Variants in ARHGAP15 observed in about 807,000 individuals in gnomAD.
ARHGAP15 encodes Rho GTPase activating protein 15, also known as rho GTPase-activating protein 15.
ARHGAP15 carries 51 observed loss-of-function variants against 63.7 expected under a neutral mutation model. The observed-to-expected ratio is 0.80, with a 90% CI of 0.64 to 1.01. The LOEUF (loss-of-function observed/expected upper bound fraction) is 1.01, where lower values mean the gene tolerates loss of function less well. ARHGAP15 is among the 50% of genes least tolerant of loss of function. The pLI is 0.00. For synonymous variants in ARHGAP15, 191 were observed against 193.8 expected, an observed-to-expected ratio of 0.99 and a Z score of 0.12; for missense variants, 560 against 564.6, an observed-to-expected ratio of 0.99 and a Z score of 0.08.
chr2:143,209,833 C>A (rs921972022), intron 3 of ARHGAP15, among the ~76,000 whole-genome samples: 2 of 152,002 alleles, frequency 1.3e-5, no homozygotes, highest in African/African-American at 4.8e-5. Flanking sequence ...GAGGCAGTGC[C>A]CAGATTGCAA....
At chr2:143,639,734 C>T (rs1298978708) in intron 12 of ARHGAP15, among the ~76,000 whole-genome samples, 1 of 152,050 alleles carries the variant, frequency 6.6e-6, no homozygotes, top group Admixed American at 6.6e-5. Context: ...CACTTCATCC[C>T]TCATGTCATG....
intron 6 of ARHGAP15, among the ~76,000 whole-genome samples, chr2:143,378,461 C>T (rs1429594444): frequency 2.0e-5 from 3 of 151,972 alleles, no homozygotes; most frequent in Admixed American, 6.6e-5. Context: ...TATACTGGAT[C>T]AAACCCAATA....
At chr2:143,404,203 A>G (rs1295784260) in intron 6 of ARHGAP15, among the ~76,000 whole-genome samples, 1 of 151,900 alleles carries the variant, frequency 6.6e-6, no homozygotes, top group Non-Finnish European at 1.5e-5. Context: ...GACAAGGGAA[A>G]CATAAGTGAT....
intron 11 of ARHGAP15, among the ~76,000 whole-genome samples, chr2:143,560,769 T>C (rs1376286446): frequency 6.6e-6 from 1 of 152,276 alleles, no homozygotes; most frequent in African/African-American, 2.4e-5. Flanking sequence ...TATGGCTTTA[T>C]GTATCTATGT....
At chr2:143,485,714 C>T (rs916683232) in intron 8 of ARHGAP15, among the ~76,000 whole-genome samples, 2 of 152,084 alleles carry the variant, frequency 1.3e-5, no homozygotes, top group Non-Finnish European at 1.5e-5. Flanking sequence ...GTACACACCA[C>T]GGATGCTGTT....
chr2:143,310,070 G>A (rs1229863724), intron 6 of ARHGAP15, among the ~76,000 whole-genome samples: 2 of 151,832 alleles, frequency 1.3e-5, no homozygotes, highest in East Asian at 1.9e-4. Flanking sequence ...GCATGAATAT[G>A]GTCTAAAAGA....
chr2:143,258,976 G>A (rs1216882161), intron 6 of ARHGAP15, among the ~76,000 whole-genome samples: 2 of 151,788 alleles, frequency 1.3e-5, no homozygotes, highest in East Asian at 3.9e-4. Context: ...TACCAATAAT[G>A]AGGATTCCTT....
intron 4 of ARHGAP15, among the ~76,000 whole-genome samples, chr2:143,218,629 A>G (rs560884875): frequency 8.5e-5 from 13 of 152,292 alleles, no homozygotes; most frequent in African/African-American, 2.2e-4. Flanking sequence ...CTTTCATTCA[A>G]TGTTAGCTCT....
intron 9 of ARHGAP15, among the ~76,000 whole-genome samples, chr2:143,502,244 A>G (rs1018813482): frequency 2.0e-5 from 3 of 151,956 alleles, no homozygotes; most frequent in African/African-American, 7.2e-5. Flanking sequence ...CCCCATCTCC[A>G]CTAAAAATAC....
At chr2:143,390,235 C>T (rs1574378599) in intron 6 of ARHGAP15, among the ~76,000 whole-genome samples, 1 of 152,128 alleles carries the variant, frequency 6.6e-6, no homozygotes, top group Admixed American at 6.6e-5. Flanking sequence ...CTGACATAAA[C>T]GTTACATGGC....
rs143320776 is a variant in ARHGAP15, at chr2:143,407,303, CCATT to C, written c.475-28294_475-28291del. Reference sequence around the variant, plus strand: ...CTATTCATTAATGGGAAAATATAACCCATTCATATTTTTTAAGATGAAGTGTTTA... The same window carrying C: ...CTATTCATTAATGGGAAAATATAACCCATATTTTTTAAGATGAAGTGTTTA... On this transcript the variant is annotated intron_variant, in intron 6 of 13. Coordinates refer to ENST00000295095, the MANE Select transcript of ARHGAP15 (RefSeq NM_018460.4). 7.4e-3 allele frequency among the ~76,000 whole-genome samples: 1,122 copies of C among 151,666 alleles called. 11 individuals carry two copies. The highest frequency in any genetic ancestry group is 0.026 in the African/African-American group (1,067 of 41,392).
intron 6 of ARHGAP15, among the ~76,000 whole-genome samples, chr2:143,316,039 T>TGGCA (rs1267717996): frequency 1.3e-5 from 2 of 152,102 alleles, no homozygotes; most frequent in Admixed American, 6.6e-5. Context: ...CTAGCCAAGA[T>TGGCA]GGCACCATTG....
At chr2:143,235,559 T>C (rs1307503271) in intron 5 of ARHGAP15, among the ~76,000 whole-genome samples, 1 of 152,218 alleles carries the variant, frequency 6.6e-6, no homozygotes, top group African/African-American at 2.4e-5. Context: ...GTCTTCATTC[T>C]GGAATAATCT....
intron 11 of ARHGAP15, among the ~76,000 whole-genome samples, chr2:143,594,972 AC>A (rs1418193070): frequency 2.6e-5 from 4 of 152,122 alleles, no homozygotes. Context: ...AAAAGACACA[AC>A]CGTACAAGCA....
At chr2:143,303,621 C>A (rs1683022508) in intron 6 of ARHGAP15, among the ~76,000 whole-genome samples, 1 of 152,044 alleles carries the variant, frequency 6.6e-6, no homozygotes, top group Admixed American at 6.6e-5. Flanking sequence ...CAAATGAGAT[C>A]TAATTAAAGA....
Position 143,661,714 on chromosome 2 carries a change from C to T in ARHGAP15, c.1138+37447C>T, listed in dbSNP as rs150206365. Among the ~76,000 whole-genome samples, 250 of 152,254 alleles carry T rather than the reference C, an allele frequency of 1.6e-3. 2 individuals carry two copies. Among genetic ancestry groups the T allele is most frequent in the African/African-American group, 5.8e-3 (239 of 41,542 alleles). On this transcript the variant is annotated intron_variant, in intron 12 of 13. Coordinates refer to ENST00000295095, the MANE Select transcript of ARHGAP15 (RefSeq NM_018460.4). ...GACAGTGGGCACAGGTCAGTGGGTG[C>T]GCACACCGTGCGTGAGCCGAAGCAG...
chr2:143,355,128 A>G lies in ARHGAP15; in HGVS notation c.475-80473A>G, dbSNP rs1685752031. On this transcript the variant is annotated intron_variant, in intron 6 of 13. Transcript: ENST00000295095. ...TTTGGCTTAAGTAATCTGAAAATAAACTAGCAATAAATGTGATGAAGCTGT... is the reference window on the plus strand; with the variant it reads ...TTTGGCTTAAGTAATCTGAAAATAAGCTAGCAATAAATGTGATGAAGCTGT... Among the ~76,000 whole-genome samples the G allele has an allele frequency of 1.3e-5, 2 of 152,224 alleles. 1 individual carries two copies. The highest frequency in any genetic ancestry group is 4.1e-4 in the South Asian group (2 of 4,832).
At position 143,140,153 on chromosome 2, in the gene ARHGAP15, A is replaced by T. The variant is rs537214728; in HGVS notation, c.-15+10687A>T. On this transcript the variant is annotated intron_variant, in intron 1 of 13. Transcript: ENST00000295095. ...ATTTTGGTTTATTTCAATTCTAAGT[A>T]TTATGATAAAATTATGAAACTCATC... is the stretch of plus-strand genomic sequence containing the variant. Among the ~76,000 whole-genome samples the T allele has an allele frequency of 9.9e-5, 15 of 152,230 alleles. No individual in the cohort carries two copies. In the South Asian group the frequency reaches 3.1e-3, roughly 32 times the overall value.
intron 8 of ARHGAP15, among the ~76,000 whole-genome samples, chr2:143,462,308 G>A (rs1690982361): frequency 6.6e-6 from 1 of 152,066 alleles, no homozygotes; most frequent in Non-Finnish European, 1.5e-5. Flanking sequence ...TTTTTGTGGT[G>A]GAAGTTTGCC....
Sources: allele counts gnomAD v4.1 joint callset (sites outside exome capture counted in the v4.1 genomes callset), GRCh38; gene constraint gnomAD v4.1.1; transcripts MANE v1.5; gene names NCBI Gene and HGNC (gene_info 2026-07-23, HGNC 2026-07-21).